The following SOS1 variants were observed in gnomAD, a reference collection of about 807,000 sequenced individuals.
SOS1 encodes son of sevenless homolog 1.
Under a neutral mutation model 157.6 loss-of-function variants are expected in SOS1, and 25 were observed. The observed-to-expected ratio is 0.16, with a 90% confidence interval of 0.12 to 0.22. The LOEUF is 0.22. Ranked by LOEUF, SOS1 falls within the 10% of genes least tolerant of loss-of-function variation. The pLI, the probability that SOS1 is intolerant of heterozygous loss-of-function variation, is 1.00. For synonymous variants in SOS1, 528 were observed against 534.0 expected (o/e 0.99, Z 0.16); for missense variants, 1,237 against 1,599.1 (o/e 0.77, Z 3.86).
rs1251219074 is a variant in SOS1, at chr2:38,987,458, G to A, written c.3510+15C>T. 2.3e-6 allele frequency: 3 copies of A among 1,320,640 alleles called. No individual in the cohort carries two copies. Among genetic ancestry groups the A allele is most frequent in the East Asian group, 4.6e-5 (2 of 43,370 alleles). The allele number at this position is 1,320,640 out of a possible 1,614,324, so 81.8% of individuals were successfully genotyped here. ...AATGATTCCAATTTCTACACAACAA[G>A]ATTTCTTACTTTACCTTAGATGGTG... On this transcript the variant is annotated intron_variant, in intron 22 of 22. Transcript: ENST00000402219.
chr2:39,073,380 T>C (rs1417347276), intron 1 of SOS1, among the ~76,000 whole-genome samples: 1 of 152,262 alleles, frequency 6.6e-6, no homozygotes, highest in African/African-American at 2.4e-5. Context: ...TTTATACTTA[T>C]GTTTACTGAC....
At chr2:39,019,867 A>G (rs1015102928) in intron 10 of SOS1, among the ~76,000 whole-genome samples, 3 of 151,638 alleles carry the variant, frequency 2.0e-5, no homozygotes, top group African/African-American at 7.2e-5. Context: ...ATATCTTCAT[A>G]GTACGCACGT....
At chr2:39,062,802 C>T (rs1224807652) in intron 2 of SOS1, among the ~76,000 whole-genome samples, 1 of 151,772 alleles carries the variant, frequency 6.6e-6, no homozygotes, top group Non-Finnish European at 1.5e-5. Flanking sequence ...GGGTCAAACA[C>T]AGGAAAAAAA....
chr2:39,100,971 T>C (rs1672945138), intron 1 of SOS1, among the ~76,000 whole-genome samples: 1 of 152,068 alleles, frequency 6.6e-6, no homozygotes, highest in South Asian at 2.1e-4. Flanking sequence ...AAAACAAAAA[T>C]GTGTTTAACT....
intron 6 of SOS1, among the ~76,000 whole-genome samples, chr2:39,047,352 C>A (rs1029240013): frequency 6.6e-6 from 1 of 152,208 alleles, no homozygotes; most frequent in East Asian, 1.9e-4. Context: ...TCAACATAAG[C>A]ACTCATTTTT....
At chr2:39,031,089 C>T (rs1012951067) in intron 8 of SOS1, among the ~76,000 whole-genome samples, 16 of 152,076 alleles carry the variant, frequency 1.1e-4, no homozygotes, top group Admixed American at 9.8e-4. Context: ...TCCTCACCTC[C>T]AGAACTGTGA....
intron 1 of SOS1, among the ~76,000 whole-genome samples, chr2:39,106,911 GTTTTC>G (rs756532190): frequency 1.1e-3 from 174 of 152,168 alleles, no homozygotes; most frequent in Non-Finnish European, 2.1e-3. Flanking sequence ...TACTTGAATT[GTTTTC>G]TTTTGTCTTA....
intron 15 of SOS1, among the ~76,000 whole-genome samples, chr2:39,008,878 A>G (rs780208902): frequency 1.4e-5 from 2 of 143,274 alleles, no homozygotes; most frequent in Admixed American, 7.5e-5. Context: ...TTGCTACACT[A>G]TATTATCTGA....
At chr2:39,048,830 T>A (rs2124592179) in intron 6 of SOS1, among the ~76,000 whole-genome samples, 1 of 152,376 alleles carries the variant, frequency 6.6e-6, no homozygotes, top group South Asian at 2.1e-4. Context: ...TCCTCATTTC[T>A]TGAAAATTTT....
At chr2:39,095,184 T>G (rs969627525) in intron 1 of SOS1, among the ~76,000 whole-genome samples, 1 of 152,198 alleles carries the variant, frequency 6.6e-6, no homozygotes, top group African/African-American at 2.4e-5. Context: ...TGGCATTGTT[T>G]CACAATGATC....
intron 8 of SOS1, among the ~76,000 whole-genome samples, chr2:39,032,841 A>G (rs1670212460): frequency 6.6e-6 from 1 of 152,044 alleles, no homozygotes; most frequent in Non-Finnish European, 1.5e-5. Context: ...CACACCTTTA[A>G]TTAATCCCAG....
chr2:39,090,503 C>A (rs995522723), intron 1 of SOS1, among the ~76,000 whole-genome samples: 7 of 151,984 alleles, frequency 4.6e-5, no homozygotes, highest in African/African-American at 1.7e-4. Context: ...CGAGACTGGC[C>A]TGGCCAACAT....
At chr2:39,090,071 C>G (rs1178768855) in intron 1 of SOS1, among the ~76,000 whole-genome samples, 2 of 145,946 alleles carry the variant, frequency 1.4e-5, no homozygotes, top group Admixed American at 1.4e-4. Flanking sequence ...GCCTGGGAGG[C>G]AGAGGTTGTG....
intron 20 of SOS1, among the ~76,000 whole-genome samples, chr2:38,991,385 T>TA (rs1323762296): frequency 1.3e-5 from 2 of 152,200 alleles, no homozygotes; most frequent in Non-Finnish European, 2.9e-5. Flanking sequence ...TTTTTGTTGT[T>TA]AAAGAGTCCC....
intron 1 of SOS1, among the ~76,000 whole-genome samples, chr2:39,115,404 CTCTTT>C (rs1465623269): frequency 1.3e-4 from 13 of 97,472 alleles, no homozygotes; most frequent in African/African-American, 3.7e-4. Context: ...TTTGTTCTCT[CTCTTT>C]TTTTTTTTTT....
intron 17 of SOS1, among the ~76,000 whole-genome samples, 170 bp downstream of exon 17, chr2:39,006,242 C>T (rs140409769): frequency 2.0e-5 from 3 of 152,238 alleles, no homozygotes; most frequent in African/African-American, 7.2e-5. Context: ...GTATATTAGA[C>T]TTCACCTTAA....
chr2:39,104,962 C>A (rs2148212595), intron 1 of SOS1, among the ~76,000 whole-genome samples: 1 of 152,204 alleles, frequency 6.6e-6, no homozygotes, highest in East Asian at 1.9e-4. Context: ...AATTAATGGC[C>A]TTCAATTGTA....
chr2:39,056,437 G>GA (rs1444708633), intron 4 of SOS1, among the ~76,000 whole-genome samples: 3 of 151,974 alleles, frequency 2.0e-5, no homozygotes, highest in African/African-American at 7.2e-5. Context: ...AAAAAGAAAA[G>GA]AAATTAACTA....
At chr2:39,020,617 A>G (rs1477082672) in intron 10 of SOS1, among the ~76,000 whole-genome samples, 3 of 151,730 alleles carry the variant, frequency 2.0e-5, no homozygotes, top group African/African-American at 7.2e-5. Context: ...CTTAAAAACA[A>G]ATGGTAACTT....
Sources: gnomAD v4.1 joint callset for allele counts (sites outside exome capture counted in the v4.1 genomes callset) on GRCh38, gnomAD v4.1.1 for gene constraint, MANE v1.5 for transcripts, NCBI Gene and HGNC (gene_info 2026-07-23, HGNC 2026-07-21) for gene names.